Variants in PRDM4 observed in about 807,000 individuals in gnomAD.
PRDM4 encodes the protein PR/SET domain 4.
Under a neutral mutation model 62.3 loss-of-function variants are expected in PRDM4, and 38 were observed. That is an observed-to-expected ratio of 0.61 (90% CI 0.47 to 0.80). The LOEUF is 0.80. Ranked by LOEUF, PRDM4 falls within the 30% of genes least tolerant of loss-of-function variation. The pLI, the probability that PRDM4 is intolerant of heterozygous loss-of-function variation, is 0.00. For synonymous variants in PRDM4, 339 were observed against 348.2 expected (o/e 0.97, Z 0.30); for missense variants, 858 against 997.1 (o/e 0.86, Z 1.88).
intron 9 of PRDM4, among the ~76,000 whole-genome samples, chr12:107,741,614 G>A (rs1195582612): frequency 6.6e-6 from 1 of 152,108 alleles, no homozygotes; most frequent in Non-Finnish European, 1.5e-5. Context: ...AGCTAATCAG[G>A]AGACTGAGGC....
At chr12:107,756,383 G>A (rs1664514807) in intron 3 of PRDM4, among the ~76,000 whole-genome samples, 1 of 152,152 alleles carries the variant, frequency 6.6e-6, no homozygotes, top group Admixed American at 6.5e-5. Flanking sequence ...ATTAATTCTA[G>A]ACCTGGTACA....
At chr12:107,737,468 C>T (rs1041924014) in intron 11 of PRDM4, among the ~76,000 whole-genome samples, 2 of 152,140 alleles carry the variant, frequency 1.3e-5, no homozygotes, top group Non-Finnish European at 2.9e-5. Context: ...GGCAAAGAGG[C>T]TTACCATATC....
intron 5 of PRDM4, among the ~76,000 whole-genome samples, chr12:107,749,458 T>G (rs1890823872): frequency 6.7e-6 from 1 of 149,448 alleles, no homozygotes; most frequent in South Asian, 2.1e-4. Flanking sequence ...GATCTTGAAC[T>G]CCTGGTCTCA....
Position 107,761,026 on chromosome 12 carries a change from C to G in PRDM4, c.-326G>C, listed in dbSNP as rs958157532. On this transcript the variant is annotated 5_prime_UTR_variant, in exon 1 of 12. Transcript: ENST00000228437. ...TTCCTCATCCGGGCAGAGTTCGCCT[C>G]GGGGCCCTGCCCGTCCGCTCGGCCC... The G allele has an allele frequency of 2.6e-5, 4 of 151,230 alleles. No homozygotes were observed. The highest frequency in any genetic ancestry group is 7.3e-5 in the African/African-American group (3 of 41,280). 9.4% of individuals were successfully genotyped at this position (151,230 alleles called of 1,614,324 possible). A position where few individuals can be genotyped will look rare whatever the true frequency, so the allele number is the denominator to read the frequency against.
At chr12:107,739,237 A>T in intron 11 of PRDM4, 146 bp downstream of exon 11, 1 of 820,818 alleles carries the variant, frequency 1.2e-6, no homozygotes, top group Non-Finnish European at 1.8e-6. Context: ...TGGCTTGGCT[A>T]CATGGAACAC....
chr12:107,740,629 G>A (rs921981372), intron 10 of PRDM4, among the ~76,000 whole-genome samples: 3 of 152,144 alleles, frequency 2.0e-5, no homozygotes, highest in Admixed American at 6.6e-5. Flanking sequence ...GGCTCTGGCT[G>A]GTGACTGGGG....
intron 11 of PRDM4, among the ~76,000 whole-genome samples, chr12:107,736,327 T>A (rs1043908718): frequency 8.5e-5 from 13 of 152,090 alleles, no homozygotes; most frequent in African/African-American, 2.7e-4. Context: ...CTATTTTAGA[T>A]AAGATAGTCA....
rs1890885875 is a variant in PRDM4 at position 107,751,338 on chromosome 12, AC to A, written c.1126+76del. 8 of 1,437,908 alleles carry A rather than the reference AC, an allele frequency of 5.6e-6. No homozygotes were observed. The South Asian group carries it at 8.1e-5, about 15-fold the overall frequency. The allele number at this position is 1,437,908 out of a possible 1,614,324, so 89.1% of individuals were successfully genotyped here. A position where few individuals can be genotyped will look rare whatever the true frequency, so the allele number is the denominator to read the frequency against. The stretch of plus-strand genomic sequence containing the variant: ...GCTTTCTATACTCCCTTAATGCCAA[AC>A]TTTACGACTTAACTTGTTAGGGATG... On this transcript the variant is annotated intron_variant, in intron 5 of 11. Coordinates refer to ENST00000228437, the MANE Select transcript of PRDM4 (RefSeq NM_012406.4).
intron 6 of PRDM4, among the ~76,000 whole-genome samples, chr12:107,745,836 G>A (rs556061176): frequency 4.6e-5 from 7 of 152,162 alleles, no homozygotes; most frequent in Non-Finnish European, 1.0e-4. Flanking sequence ...GGTAAGTAAA[G>A]TCTGGCAATC....
chr12:107,760,431 G>A, intron 2 of PRDM4, 74 bp downstream of exon 2: 4 of 1,586,114 alleles, frequency 2.5e-6, no homozygotes, highest in Non-Finnish European at 3.4e-6. Flanking sequence ...AAAAACAACG[G>A]CACTGACCCT....
Position 107,752,161 on chromosome 12 carries a change from G to C in PRDM4, c.380C>G (p.Pro127Arg). 1.3e-6 allele frequency: 2 copies of C among 1,599,334 alleles called. No homozygotes were observed. The highest frequency in any genetic ancestry group is 1.7e-6 in the Non-Finnish European group (2 of 1,166,530). Residue 127 changes from proline (P) to arginine (R), a missense_variant, in exon 5 of 12, where the codon CCT becomes CGT. Coordinates refer to ENST00000228437, the MANE Select transcript of PRDM4 (RefSeq NM_012406.4). ...ADRPPPQYIH[P>R]NSINVDGNTA... ...ATTACCATCAACATTTATAGAGTTAGGGTGGATGTACTGTGGAGGTGGTCT... is the reference window on the plus strand; with the variant it reads ...ATTACCATCAACATTTATAGAGTTACGGTGGATGTACTGTGGAGGTGGTCT...
chr12:107,750,934 G>A (rs1388831974), intron 5 of PRDM4, among the ~76,000 whole-genome samples: 2 of 152,152 alleles, frequency 1.3e-5, no homozygotes, highest in Non-Finnish European at 2.9e-5. Context: ...TGCCCAGGCC[G>A]GAGTGCAGTA....
intron 11 of PRDM4, among the ~76,000 whole-genome samples, chr12:107,738,941 G>A (rs1372719704): frequency 6.6e-6 from 1 of 151,590 alleles, no homozygotes; most frequent in African/African-American, 2.4e-5. Context: ...AAATGGCAGG[G>A]GCTGGCAGAT....
intron 11 of PRDM4, among the ~76,000 whole-genome samples, chr12:107,735,186 T>C (rs1019306136): frequency 1.3e-5 from 2 of 152,086 alleles, no homozygotes; most frequent in Admixed American, 6.6e-5. Context: ...TTTATACTTG[T>C]ATGGTGCTCT....
intron 5 of PRDM4, among the ~76,000 whole-genome samples, chr12:107,749,786 A>AC (rs1890831765): frequency 6.6e-6 from 1 of 151,650 alleles, no homozygotes; most frequent in African/African-American, 2.4e-5. Flanking sequence ...GCAAAGCCCT[A>AC]CCCCAACCCT....
Position 107,734,295 on chromosome 12 carries a change from T to G in PRDM4, c.2321A>C (p.Asp774Ala), listed in dbSNP as rs764780238. ...EEEEDDSEEEDLADSVGTEDC... is the reference protein window; with the variant it reads ...EEEEDDSEEEALADSVGTEDC... ...TTCTGTCCCCACAGAGTCTGCTAGATCTTCCTCTTCTGAGTCATCCTCTTC... is the reference window on the plus strand; with the variant it reads ...TTCTGTCCCCACAGAGTCTGCTAGAGCTTCCTCTTCTGAGTCATCCTCTTC... Residue 774 changes from aspartate (D) to alanine (A), a missense_variant, in exon 12 of 12, where the codon GAT becomes GCT. Transcript: ENST00000228437. 6.2e-7 allele frequency: 1 copy of G among 1,614,086 alleles called. No individual in the cohort carries two copies. Among genetic ancestry groups the G allele is most frequent in the African/African-American group, 1.3e-5 (1 of 74,922 alleles).
chr12:107,751,401 C>A lies in PRDM4; in HGVS notation c.1126+14G>T. 6.3e-7 allele frequency: 1 copy of A among 1,595,368 alleles called. No individual in the cohort carries two copies. The highest frequency in any genetic ancestry group is 8.6e-7 in the Non-Finnish European group (1 of 1,165,080). On this transcript the variant is annotated intron_variant, in intron 5 of 11. Transcript: ENST00000228437. ...TACAAATATTTCCAAAAAAGAAAGG[C>A]TAAACACACTCACAAATTGTAAACA...
At position 107,741,279 on chromosome 12, in the gene PRDM4, T is replaced by A; in HGVS notation, c.1610-19A>T. ...GGAACACCTTTTAAAAAAAAATTAC[T>A]CATTATCTCCCAATACTTGAATCTT... On this transcript the variant is annotated intron_variant, in intron 9 of 11. Coordinates refer to ENST00000228437, the MANE Select transcript of PRDM4 (RefSeq NM_012406.4). The A allele has an allele frequency of 1.3e-6, 2 of 1,589,110 alleles. No homozygotes were observed. The highest frequency in any genetic ancestry group is 1.7e-6 in the Non-Finnish European group (2 of 1,162,752).
intron 9 of PRDM4, among the ~76,000 whole-genome samples, chr12:107,741,793 C>A (rs1890527791): frequency 6.6e-6 from 1 of 152,158 alleles, no homozygotes; most frequent in Non-Finnish European, 1.5e-5. Flanking sequence ...GATTATAAGG[C>A]CTCTTTTGTA....
Sources: allele counts gnomAD v4.1 joint callset (sites outside exome capture counted in the v4.1 genomes callset), GRCh38; gene constraint gnomAD v4.1.1; transcripts MANE v1.5; gene names NCBI Gene and HGNC (gene_info 2026-07-23, HGNC 2026-07-21).